Variants in SHISA9 observed in about 807,000 individuals in gnomAD.
SHISA9 encodes the protein protein shisa-9.
Under a neutral mutation model 38.0 loss-of-function variants are expected in SHISA9, and 13 were observed. The observed-to-expected ratio is 0.34, with a 90% CI of 0.22 to 0.54. The LOEUF (loss-of-function observed/expected upper bound fraction) is 0.54, where lower values mean the gene tolerates loss of function less well. Among genes scored for constraint, SHISA9 ranks in the 20% least tolerant of loss-of-function variants. The pLI, the probability that SHISA9 is intolerant of heterozygous loss-of-function variation, is 0.91. For synonymous variants in SHISA9, 275 were observed against 242.0 expected (o/e 1.14, Z -1.27); for missense variants, 538 against 575.8 (o/e 0.93, Z 0.67).
At chr16:13,412,295 A>T in the SHISA9 span, among the ~76,000 whole-genome samples, 1 of 152,144 alleles carries the variant, frequency 6.6e-6, no homozygotes, top group African/African-American at 2.4e-5. Flanking sequence ...CATGAGTTAC[A>T]TGGGCTGGGA....
At chr16:13,530,834 T>C in the SHISA9 span, among the ~76,000 whole-genome samples, 33 of 152,118 alleles carry the variant, frequency 2.2e-4, no homozygotes, top group Admixed American at 1.8e-3. Context: ...ATTCCCTCCA[T>C]TGGTTCAGGA....
At chr16:13,507,623 A>G in the SHISA9 span, among the ~76,000 whole-genome samples, 5 of 152,154 alleles carry the variant, frequency 3.3e-5, no homozygotes, top group African/African-American at 9.7e-5. Context: ...AAATGCTGCA[A>G]TTAGTGCCAA....
rs538275530 is a variant in SHISA9, at chr16:13,225,136, G to A, written c.896-9894G>A. 1.6e-4 allele frequency among the ~76,000 whole-genome samples: 24 copies of A among 152,204 alleles called. No homozygotes were observed. The South Asian group carries it at 2.7e-3, about 17-fold the overall frequency. ...ATACACACACATGGAAAATGGCCAC[G>A]TGAAGTCCAAGGCAGAGATTGGAAT... On this transcript the variant is annotated intron_variant, in intron 4 of 4. Coordinates refer to ENST00000558583, the MANE Select transcript of SHISA9 (RefSeq NM_001145204.3).
chr16:13,288,624 T>C, the SHISA9 span, among the ~76,000 whole-genome samples: 1 of 152,050 alleles, frequency 6.6e-6, no homozygotes, highest in Non-Finnish European at 1.5e-5. Context: ...CAAAACGCTG[T>C]CTCTACTAAA....
intron 3 of SHISA9, among the ~76,000 whole-genome samples, chr16:13,209,304 G>T (rs1386491909): frequency 6.6e-6 from 1 of 152,008 alleles, no homozygotes; most frequent in Non-Finnish European, 1.5e-5. Flanking sequence ...AGGGAGAAAG[G>T]GTTGGTTCCA....
At chr16:13,103,630 C>G (rs936936757) in intron 2 of SHISA9, among the ~76,000 whole-genome samples, 1 of 152,236 alleles carries the variant, frequency 6.6e-6, no homozygotes, top group Non-Finnish European at 1.5e-5. Context: ...TTTTCTGGCT[C>G]TTATCTTCAT....
intron 2 of SHISA9, among the ~76,000 whole-genome samples, chr16:13,186,854 C>T (rs1415926974): frequency 1.3e-5 from 2 of 152,188 alleles, no homozygotes; most frequent in Admixed American, 6.5e-5. Flanking sequence ...TTTCACTTAG[C>T]ATAAATAATG....
chr16:13,174,376 G>A (rs549762297), intron 2 of SHISA9, among the ~76,000 whole-genome samples: 1 of 152,106 alleles, frequency 6.6e-6, no homozygotes, highest in Non-Finnish European at 1.5e-5. Context: ...GTTCACAGAA[G>A]CTCCCTTTCA....
intron 3 of SHISA9, among the ~76,000 whole-genome samples, chr16:13,207,038 A>G (rs2051071767): frequency 6.6e-6 from 1 of 152,212 alleles, no homozygotes. Context: ...TTAGGCATTT[A>G]AAAAATCAAC....
the SHISA9 span, among the ~76,000 whole-genome samples, chr16:13,514,149 C>A: frequency 1.6e-4 from 24 of 152,122 alleles, no homozygotes; most frequent in East Asian, 3.9e-3. Context: ...CAGGCACCAC[C>A]ACACTCGGCT....
chr16:13,452,574 T>C, the SHISA9 span, among the ~76,000 whole-genome samples: 5 of 152,160 alleles, frequency 3.3e-5, no homozygotes, highest in Admixed American at 2.0e-4. Flanking sequence ...ACAGATCGGA[T>C]GGGTGTTAGT....
intron 2 of SHISA9, among the ~76,000 whole-genome samples, chr16:13,055,781 A>G (rs2073303246): frequency 6.6e-6 from 1 of 152,200 alleles, no homozygotes; most frequent in African/African-American, 2.4e-5. Context: ...GATGCAGCAA[A>G]GCTGATATTC....
the SHISA9 span, among the ~76,000 whole-genome samples, chr16:13,363,196 A>G: frequency 2.0e-5 from 3 of 152,250 alleles, no homozygotes. Context: ...GATCATAAGC[A>G]CAACATGGAA....
At chr16:13,418,834 C>T in the SHISA9 span, among the ~76,000 whole-genome samples, 1 of 152,190 alleles carries the variant, frequency 6.6e-6, no homozygotes, top group Non-Finnish European at 1.5e-5. Context: ...ATACCCTCAG[C>T]CAGCTCAGGC....
Position 12,902,268 on chromosome 16 carries a change from G to T in SHISA9, c.204G>T (p.Ala68=), listed in dbSNP as rs1330437907. ...CATCGGACGCGCCCCCGACCCGGGC[G>T]CCCACGCCGGACTTCTGCCGGGGCT... ...AEASDAPPTR[A]PTPDFCRGYF... The change falls in exon 1 of 5, where the codon GCG becomes GCT. Residue 68 remains alanine (A), a synonymous_variant. Coordinates refer to ENST00000558583, the MANE Select transcript of SHISA9 (RefSeq NM_001145204.3). 10 of 1,548,012 alleles carry T rather than the reference G, an allele frequency of 6.5e-6. No individual in the cohort carries two copies. The highest frequency in any genetic ancestry group is 8.7e-7 in the Non-Finnish European group (1 of 1,146,836).
chr16:13,428,778 T>TTTG, the SHISA9 span, among the ~76,000 whole-genome samples: 170 of 150,914 alleles, frequency 1.1e-3, 2 homozygotes, highest in Non-Finnish European at 4.9e-4. Context: ...TTATTGTTTT[T>TTTG]TTTTTTTTGA....
At chr16:12,961,024 G>C (rs1219926838) in intron 2 of SHISA9, among the ~76,000 whole-genome samples, 1 of 151,828 alleles carries the variant, frequency 6.6e-6, no homozygotes, top group Non-Finnish European at 1.5e-5. Context: ...TCTGTAACAT[G>C]TGGGGGGGAT....
chr16:13,128,831 C>G (rs889571004), intron 2 of SHISA9, among the ~76,000 whole-genome samples: 6 of 152,182 alleles, frequency 3.9e-5, no homozygotes, highest in African/African-American at 1.4e-4. Context: ...TATGCTGTGT[C>G]TGTGTACGTG....
the SHISA9 span, among the ~76,000 whole-genome samples, chr16:13,371,038 T>C: frequency 6.6e-6 from 1 of 152,234 alleles, no homozygotes; most frequent in Non-Finnish European, 1.5e-5. Context: ...GTATTTTCTT[T>C]GCTGATTCTG....
Sources: gnomAD v4.1 joint callset for allele counts (sites outside exome capture counted in the v4.1 genomes callset) on GRCh38, gnomAD v4.1.1 for gene constraint, MANE v1.5 for transcripts, NCBI Gene and HGNC (gene_info 2026-07-23, HGNC 2026-07-21) for gene names.